The following USP19 variants were observed in gnomAD, a reference collection of about 807,000 sequenced individuals.
The protein encoded by USP19 is ubiquitin carboxyl-terminal hydrolase 19.
USP19 carries 40 observed loss-of-function variants against 144.8 expected under a neutral mutation model. The observed-to-expected ratio is 0.28, with a 90% CI of 0.21 to 0.36. The LOEUF is 0.36. Among genes scored for constraint, USP19 ranks in the 10% least tolerant of loss-of-function variants. The pLI, the probability that USP19 is intolerant of heterozygous loss-of-function variation, is 1.00. For synonymous variants in USP19, 701 were observed against 709.3 expected (o/e 0.99, Z 0.19); for missense variants, 1,518 against 1,822.5 (o/e 0.83, Z 3.04).
chr3:49,109,499 A>G (rs2042818865), intron 26 of USP19, among the ~76,000 whole-genome samples: 1 of 152,198 alleles, frequency 6.6e-6, no homozygotes, highest in Non-Finnish European at 1.5e-5. Flanking sequence ...ACCGATTCAT[A>G]GAGAACAGGA....
chr3:49,119,178 CG>C lies in USP19; in HGVS notation c.-34del. 6.2e-7 allele frequency: 1 copy of C among 1,600,424 alleles called. No homozygotes were observed. Among genetic ancestry groups the C allele is most frequent in the Non-Finnish European group, 8.5e-7 (1 of 1,174,106 alleles). On this transcript the variant is annotated 5_prime_UTR_variant, in exon 2 of 27. Transcript: ENST00000417901. ...CGCTTGGTCGACAGCCAGAGTGCCC[CG>C]GGGTCGGCAACAGCGTCTGGGTCAG...
At chr3:49,109,105 G>T in intron 26 of USP19, 2 of 1,577,458 alleles carry the variant, frequency 1.3e-6, no homozygotes, top group East Asian at 2.3e-5. Context: ...CCCAGTCTTG[G>T]GGCCCCCAGG....
chr3:49,108,832 TC>T lies in USP19; in HGVS notation c.4039-305del. On this transcript the variant is annotated intron_variant, in intron 26 of 26. Coordinates refer to ENST00000417901, the MANE Select transcript of USP19 (RefSeq NM_001199161.2). This position sits in a 1 kb window ranked among gnomAD's most constrained non-coding sequence, Gnocchi z 4.8. ...CTCTGCCCCTGCAGGGGCCACAACCTCCCCACCCTCTCCCACCAGATGCATA... is the reference window on the plus strand; with the variant it reads ...CTCTGCCCCTGCAGGGGCCACAACCTCCCACCCTCTCCCACCAGATGCATA... The T allele has an allele frequency of 6.9e-7, 1 of 1,449,742 alleles. No homozygotes were observed. The highest frequency in any genetic ancestry group is 9.1e-7 in the Non-Finnish European group (1 of 1,100,098). 89.8% of individuals were successfully genotyped at this position (1,449,742 alleles called of 1,614,324 possible).
chr3:49,110,838 G>A lies in USP19; in HGVS notation c.3571C>T (p.Arg1191Cys), dbSNP rs748724669. Residue 1191 changes from arginine to cysteine, a missense_variant, in exon 24 of 27, where the codon CGT becomes TGT. Arg to Cys is a radical substitution (Grantham distance 180, BLOSUM62 -3). Transcript: ENST00000417901. The surrounding 1 kb of genome is among the most constrained non-coding windows in gnomAD (Gnocchi z 6.1). ...AGCAACAGCTGCTTGGAGGCCTCAC[G>A]GTGCTGTTTGCACTGTGGGCAGTAC... Reference protein sequence around the residue: ...AWYCPQCKQHREASKQLLLWR... With the variant: ...AWYCPQCKQHCEASKQLLLWR... 11 of 1,614,202 alleles carry A rather than the reference G, an allele frequency of 6.8e-6. No homozygotes were observed. Among genetic ancestry groups the A allele is most frequent in the Middle Eastern group, 3.3e-4 (2 of 6,062 alleles).
chr3:49,112,058 A>C lies in USP19; in HGVS notation c.2766-10T>G, dbSNP rs1245993718. The C allele has an allele frequency of 6.2e-7, 1 of 1,613,598 alleles. No homozygotes were observed. Among genetic ancestry groups the C allele is most frequent in the Non-Finnish European group, 8.5e-7 (1 of 1,179,858 alleles). ...GGTTTTCTGGCAGAGCCTGACGGGA[A>C]GAGGAAGACAAGGATAGGCCCTTAG... On this transcript the variant is annotated splice_polypyrimidine_tract_variant and intron_variant, in intron 19 of 26. Transcript: ENST00000417901. The surrounding 1 kb of genome is among the most constrained non-coding windows in gnomAD (Gnocchi z 4.9).
In USP19 at chr3:49,117,108, G is replaced by C. The variant is rs778948625; in HGVS notation, c.860C>G (p.Pro287Arg). 6.5e-6 allele frequency: 10 copies of C among 1,533,612 alleles called. No homozygotes were observed. Among genetic ancestry groups the C allele is most frequent in the South Asian group, 3.6e-5 (3 of 83,442 alleles). The change falls in exon 6 of 27, where the codon CCT (proline) becomes CGT (arginine). Residue 287 changes from proline to arginine, a missense_variant. Around this residue, in one of 5 missense-constraint regions of USP19, gnomAD observed 707 missense variants for 728.9 expected, o/e 0.97. Coordinates refer to ENST00000417901, the MANE Select transcript of USP19 (RefSeq NM_001199161.2). This position sits in a 1 kb window ranked among gnomAD's most constrained non-coding sequence, Gnocchi z 4.4. ...GGGTGGGGCATCACCCCGGGGTCCA[G>C]GGTCATCCCTGGACCCGTCCCCCTC... ...GPEGDGSRDD[P>R]GPRGDAPPFV... is the part of the protein sequence containing the mutation.
At position 49,113,107 on chromosome 3, in the gene USP19, A is replaced by G. The variant is rs936483914; in HGVS notation, c.2506-478T>C. 3.9e-5 allele frequency among the ~76,000 whole-genome samples: 6 copies of G among 152,292 alleles called. 1 individual carries two copies. Among genetic ancestry groups the G allele is most frequent in the Admixed American group, 2.6e-4 (4 of 15,304 alleles). On this transcript the variant is annotated intron_variant, in intron 17 of 26. Transcript: ENST00000417901. Reference sequence around the variant, plus strand: ...GAACATAGGGATAGTCCTGCAGCTCAAGCTCCTTGTCTAAAAAGGGAAATG... The same window carrying G: ...GAACATAGGGATAGTCCTGCAGCTCGAGCTCCTTGTCTAAAAAGGGAAATG...
At position 49,108,920 on chromosome 3, in the gene USP19, C is replaced by T. The variant is rs1372741373; in HGVS notation, c.4039-392G>A. 1 of 1,576,262 alleles carries T rather than the reference C, an allele frequency of 6.3e-7. No homozygotes were observed. Among genetic ancestry groups the T allele is most frequent in the Non-Finnish European group, 8.6e-7 (1 of 1,159,766 alleles). On this transcript the variant is annotated intron_variant, in intron 26 of 26. Coordinates refer to ENST00000417901, the MANE Select transcript of USP19 (RefSeq NM_001199161.2). The surrounding 1 kb of genome is among the most constrained non-coding windows in gnomAD (Gnocchi z 4.8). ...AAAGGCAGGCATGGCCTGGGGCAGG[C>T]AGGTAGGCCAGCTCACAGCAGCTGC...
chr3:49,113,575 G>GA, intron 17 of USP19, among the ~76,000 whole-genome samples: 2 of 148,486 alleles, frequency 1.3e-5, no homozygotes, highest in East Asian at 4.1e-4. Flanking sequence ...ACCACGCCTG[G>GA]CCCTATTTTT....
Position 49,116,292 on chromosome 3 carries a change from T to C in USP19, c.1343A>G (p.Gln448Arg). The change falls in exon 9 of 27, where the codon CAG becomes CGG. Residue 448 changes from glutamine to arginine, a missense_variant. By Grantham distance (43) the Gln-to-Arg change is conservative. Around this residue, in one of 5 missense-constraint regions of USP19, gnomAD observed 707 missense variants for 728.9 expected, o/e 0.97. Coordinates refer to ENST00000417901, the MANE Select transcript of USP19 (RefSeq NM_001199161.2). This position sits in a 1 kb window ranked among gnomAD's most constrained non-coding sequence, Gnocchi z 5.0. ...GGGCACCACCCACCTGAGCTTCACCTGCCAACGGAAGGTGGTGTGGGGCCC... is the reference window on the plus strand; with the variant it reads ...GGGCACCACCCACCTGAGCTTCACCCGCCAACGGAAGGTGGTGTGGGGCCC... ...GCGPHTTFRW[Q>R]VKLRNLIEPE... 1 of 1,613,332 alleles carries C rather than the reference T, an allele frequency of 6.2e-7. No homozygotes were observed. Among genetic ancestry groups the C allele is most frequent in the Non-Finnish European group, 8.5e-7 (1 of 1,179,836 alleles).
In USP19 at chr3:49,115,683, C is replaced by G. The variant is rs1479314765; in HGVS notation, c.1692+41G>C. On this transcript the variant is annotated intron_variant, in intron 11 of 26. Coordinates refer to ENST00000417901, the MANE Select transcript of USP19 (RefSeq NM_001199161.2). This position sits in a 1 kb window ranked among gnomAD's most constrained non-coding sequence, Gnocchi z 6.6. ...CATGAGAGAACAGCCCCAAGACTCTCCAGCCTCCATTCTTCGTCCTTCCCA... is the reference window on the plus strand; with the variant it reads ...CATGAGAGAACAGCCCCAAGACTCTGCAGCCTCCATTCTTCGTCCTTCCCA... 1.9e-6 allele frequency: 3 copies of G among 1,606,314 alleles called. No homozygotes were observed. Among genetic ancestry groups the G allele is most frequent in the Non-Finnish European group, 2.6e-6 (3 of 1,174,008 alleles).
In USP19 at chr3:49,116,630, C is replaced by T. The variant is rs746839839; in HGVS notation, c.1127-23G>A. 1.2e-6 allele frequency: 2 copies of T among 1,613,850 alleles called. No homozygotes were observed. The highest frequency in any genetic ancestry group is 3.3e-5 in the Admixed American group (2 of 60,006). On this transcript the variant is annotated intron_variant, in intron 7 of 26. Transcript: ENST00000417901. This position sits in a 1 kb window ranked among gnomAD's most constrained non-coding sequence, Gnocchi z 5.0. The stretch of plus-strand genomic sequence containing the variant: ...GCTCTATATTGAGACCATGGCTCAG[C>T]CCCAACCAGGACAGGTTCCAGCCTA...
rs116027765 is a variant in USP19 at position 49,110,650 on chromosome 3, G to A, written c.3699-46C>T. ...GGGAGGGGTGAGACAGGCAACAGGC[G>A]CTCAGGATGCCCATCCTGGTCCTCA... is the stretch of plus-strand genomic sequence containing the variant. On this transcript the variant is annotated intron_variant, in intron 24 of 26. Coordinates refer to ENST00000417901, the MANE Select transcript of USP19 (RefSeq NM_001199161.2). The surrounding 1 kb of genome is among the most constrained non-coding windows in gnomAD (Gnocchi z 6.1). The A allele has an allele frequency of 5.7e-4, 911 of 1,611,216 alleles. 7 individuals are homozygous for A. In the African/African-American group the frequency reaches 0.011, roughly 19 times the overall value.
Position 49,116,140 on chromosome 3 carries a change from A to G in USP19, c.1378T>C (p.Cys460Arg). 6.2e-7 allele frequency: 1 copy of G among 1,613,790 alleles called. No homozygotes were observed. Among genetic ancestry groups the G allele is most frequent in the Non-Finnish European group, 8.5e-7 (1 of 1,179,926 alleles). ...CGAGAAGCCGTGAAACAGAAGGTGC[A>G]CTGCTCTGGCTCAATCAGATTCCTG... is the stretch of plus-strand genomic sequence containing the variant. The part of the protein sequence containing the change: ...KLRNLIEPEQ[C>R]TFCFTASRID... Residue 460 changes from cysteine (C) to arginine (R), a missense_variant, in exon 10 of 27, where the codon TGC becomes CGC. Transcript: ENST00000417901. This position sits in a 1 kb window ranked among gnomAD's most constrained non-coding sequence, Gnocchi z 5.0.
Position 49,116,071 on chromosome 3 carries a change from C to A in USP19, c.1447G>T (p.Gly483Cys), listed in dbSNP as rs746418807. ...LRKRQSQRWG[G>C]LEAPAARGAV... ...CCTCGTGCAGCCGGGGCCTCCAGGC[C>A]CCCCCAGCGCTGACTCTGCCTCTTA... Residue 483 changes from glycine (G) to cysteine (C), a missense_variant, in exon 10 of 27, where the codon GGC becomes TGC. Physicochemically the swap from Gly to Cys is radical, Grantham distance 159 (BLOSUM62 -3). Coordinates refer to ENST00000417901, the MANE Select transcript of USP19 (RefSeq NM_001199161.2). This position sits in a 1 kb window ranked among gnomAD's most constrained non-coding sequence, Gnocchi z 5.0. 8.7e-6 allele frequency: 14 copies of A among 1,604,500 alleles called. No homozygotes were observed. Among genetic ancestry groups the A allele is most frequent in the African/African-American group, 5.4e-5 (4 of 74,034 alleles).
rs769018302 is a variant in USP19 at position 49,110,879 on chromosome 3, A to G, written c.3546-16T>C. ...TGGGCAGTACCTGGTGGGGACAGAG[A>G]TTGGGTCAGGACCAGCAAGTCTCTC... On this transcript the variant is annotated splice_polypyrimidine_tract_variant and intron_variant, in intron 23 of 26. Transcript: ENST00000417901. The surrounding 1 kb of genome is among the most constrained non-coding windows in gnomAD (Gnocchi z 6.1). The G allele has an allele frequency of 6.2e-7, 1 of 1,613,926 alleles. No individual in the cohort carries two copies. The highest frequency in any genetic ancestry group is 1.6e-4 in the Middle Eastern group (1 of 6,084).
Position 49,112,680 on chromosome 3 carries a change from G to A in USP19, c.2506-51C>T. 2.5e-6 allele frequency: 4 copies of A among 1,574,756 alleles called. No individual in the cohort carries two copies. Among genetic ancestry groups the A allele is most frequent in the Non-Finnish European group, 3.5e-6 (4 of 1,156,058 alleles). ...CACGTGAGGATAAGCCCTTTCCCTA[G>A]CCCTGCCCCAGAGTTTAAGAAGGCT... On this transcript the variant is annotated intron_variant, in intron 17 of 26. Transcript: ENST00000417901. The surrounding 1 kb of genome is among the most constrained non-coding windows in gnomAD (Gnocchi z 4.9).
rs969015382 is a variant in USP19, at chr3:49,117,230, C to A, written c.738G>T (p.Lys246Asn). ...HRAKQEARNQ[K>N]RAQGRGEVGA... ...CTACCTCACCACGGCCCTGGGCCCG[C>A]TTCTGGTTCCGGGCCTCCTGCTTAG... Residue 246 changes from lysine (K) to asparagine (N), a missense_variant, in exon 6 of 27, where the codon AAG (lysine) becomes AAT (asparagine). This residue lies in a region of USP19 where 707 missense variants were observed against 728.9 expected (regional missense o/e 0.97). Coordinates refer to ENST00000417901, the MANE Select transcript of USP19 (RefSeq NM_001199161.2). This position sits in a 1 kb window ranked among gnomAD's most constrained non-coding sequence, Gnocchi z 4.4. 6.4e-7 allele frequency: 1 copy of A among 1,551,236 alleles called. No individual in the cohort carries two copies. The highest frequency in any genetic ancestry group is 8.7e-7 in the Non-Finnish European group (1 of 1,148,732).
chr3:49,109,603 G>A (rs1189747690), intron 26 of USP19, among the ~76,000 whole-genome samples: 1 of 152,238 alleles, frequency 6.6e-6, no homozygotes, highest in Non-Finnish European at 1.5e-5. Context: ...TGACAGAGAA[G>A]GCTCAAGAGA....
Sources: gnomAD v4.1 joint callset for allele counts (sites outside exome capture counted in the v4.1 genomes callset) on GRCh38, gnomAD v4.1.1 for gene constraint, gnomAD v4.1.1 regional missense constraint, Gnocchi (gnomAD v3.1) non-coding constraint, MANE v1.5 for transcripts, NCBI Gene and HGNC (gene_info 2026-07-23, HGNC 2026-07-21) for gene names.